THUMPD2: variants seen among roughly 807,000 people sequenced by gnomAD.
The protein encoded by THUMPD2 is U6 snRNA (guanine-N(2))-methyltransferase THUMPD2.
THUMPD2 carries 56 observed loss-of-function variants against 49.4 expected under a neutral mutation model. The observed-to-expected ratio is 1.13, with a 90% CI of 0.91 to 1.41. The LOEUF is 1.41. THUMPD2 is among the 40% of genes most tolerant of loss of function. THUMPD2 has a pLI of 0.00. For missense variants in THUMPD2, 709 were observed against 594.5 expected (o/e 1.19, Z -2.00); for synonymous variants, 237 against 205.2 (o/e 1.15, Z -1.32).
rs989880160 is a variant in THUMPD2, at chr2:39,753,183, G to A, written c.1078+2112C>T. 3.3e-5 allele frequency among the ~76,000 whole-genome samples: 5 copies of A among 151,968 alleles called. No homozygotes were observed. The East Asian group carries it at 7.7e-4, about 23-fold the overall frequency. ...CTATGCTCTCCTCATTAGCCAAACT[G>A]CTCAAGAAAATGCTCTAAACTAGTT... is the stretch of plus-strand genomic sequence containing the variant. On this transcript the variant is annotated intron_variant, in intron 8 of 9. Coordinates refer to ENST00000505747, the MANE Select transcript of THUMPD2 (RefSeq NM_025264.5).
chr2:39,778,343 C>A (rs568428185), intron 1 of THUMPD2, among the ~76,000 whole-genome samples: 6 of 152,238 alleles, frequency 3.9e-5, no homozygotes, highest in African/African-American at 1.4e-4. Context: ...TAATTCTTCA[C>A]GACTCCAACC....
intron 9 of THUMPD2, among the ~76,000 whole-genome samples, chr2:39,738,375 C>A (rs944436965): frequency 2.6e-5 from 4 of 151,888 alleles, no homozygotes; most frequent in African/African-American, 9.7e-5. Flanking sequence ...CCAGCCTGGG[C>A]AACATGGCAA....
At chr2:39,762,692 C>T (rs758747295) in intron 5 of THUMPD2, among the ~76,000 whole-genome samples, 2 of 150,842 alleles carry the variant, frequency 1.3e-5, no homozygotes, top group African/African-American at 2.4e-5. Context: ...AATTATCTTG[C>T]TATAAAACAG....
chr2:39,761,381 C>T lies in THUMPD2; in HGVS notation c.841G>A (p.Gly281Arg). ...GCCCACGCTATTGTAGATCGCAGTC[C>T]AGCTGTCTTGATGTAAGCTCTGCTG... The part of the protein sequence containing the change: ...LASRAYIKTA[G>R]LRSTIAWAMA... The change falls in exon 6 of 10, where the codon GGA (glycine) becomes AGA (arginine). Residue 281 changes from glycine to arginine, a missense_variant. Transcript: ENST00000505747. The T allele has an allele frequency of 1.2e-6, 2 of 1,613,692 alleles. No individual in the cohort carries two copies. Among genetic ancestry groups the T allele is most frequent in the Non-Finnish European group, 8.5e-7 (1 of 1,179,748 alleles).
chr2:39,772,380 A>C (rs1678453603), intron 1 of THUMPD2, among the ~76,000 whole-genome samples: 1 of 152,204 alleles, frequency 6.6e-6, no homozygotes, highest in Admixed American at 6.5e-5. Context: ...GACAGCACTG[A>C]ATTAGCTGGC....
intron 9 of THUMPD2, among the ~76,000 whole-genome samples, chr2:39,738,023 G>C (rs1673360191): frequency 6.6e-6 from 1 of 152,172 alleles, no homozygotes; most frequent in African/African-American, 2.4e-5. Flanking sequence ...TGGAGTAATG[G>C]AAAAGACCAG....
chr2:39,744,466 G>T lies in THUMPD2; in HGVS notation c.1091C>A (p.Pro364His), dbSNP rs761403018. Residue 364 changes from proline to histidine, a missense_variant, in exon 9 of 10, where the codon CCT becomes CAT. Physicochemically the swap from Pro to His is moderately conservative, Grantham distance 77. Coordinates refer to ENST00000505747, the MANE Select transcript of THUMPD2 (RefSeq NM_025264.5). ...AATAATAATATCAACACTTTCTGAAGGCAATGGCAATTCTGAAATATAGAA... is the reference window on the plus strand; with the variant it reads ...AATAATAATATCAACACTTTCTGAATGCAATGGCAATTCTGAAATATAGAA... ...LKISVIELPLPSESVDIIISD... is the reference protein window; with the variant it reads ...LKISVIELPLHSESVDIIISD... 6.4e-7 allele frequency: 1 copy of T among 1,566,866 alleles called. No individual in the cohort carries two copies.
intron 8 of THUMPD2, among the ~76,000 whole-genome samples, chr2:39,746,466 C>T (rs114760583): frequency 3.6e-3 from 547 of 152,166 alleles, no homozygotes; most frequent in Non-Finnish European, 6.1e-3. Context: ...AGCACCTGAC[C>T]GATACGATTC....
intron 2 of THUMPD2, among the ~76,000 whole-genome samples, chr2:39,771,162 T>C (rs1280196285): frequency 6.6e-6 from 1 of 152,116 alleles, no homozygotes; most frequent in African/African-American, 2.4e-5. Flanking sequence ...TGATTTACTA[T>C]TAAAAGAATG....
intron 1 of THUMPD2, 137 bp downstream of exon 1, chr2:39,778,977 C>A (rs1679494016): frequency 3.4e-6 from 4 of 1,179,088 alleles, no homozygotes. Context: ...GCCTGCCAGT[C>A]AACCTCGGGG....
intron 9 of THUMPD2, among the ~76,000 whole-genome samples, chr2:39,737,279 C>CTATTT (rs60117530): frequency 6.6e-6 from 1 of 151,364 alleles, no homozygotes; most frequent in African/African-American, 2.4e-5. Context: ...TATTTTTACT[C>CTATTT]AAAAGGCAAG....
chr2:39,739,569 A>G (rs1452238589), intron 9 of THUMPD2, among the ~76,000 whole-genome samples: 1 of 152,210 alleles, frequency 6.6e-6, no homozygotes, highest in Non-Finnish European at 1.5e-5. Flanking sequence ...TCTTCTCACA[A>G]TGAATGGTCA....
Position 39,771,503 on chromosome 2 carries a change from A to G in THUMPD2, c.262+2T>C, listed in dbSNP as rs780787926. On this transcript the variant is annotated splice_donor_variant, in intron 2 of 9. Transcript: ENST00000505747. LOFTEE classifies it high-confidence loss of function. ...AGCAACATGCATATGAATATGCCAT[A>G]CCTTTACTTACAGAAGAAATAATAA... is the stretch of plus-strand genomic sequence containing the variant. 6.3e-7 allele frequency: 1 copy of G among 1,596,410 alleles called. No individual in the cohort carries two copies. Among genetic ancestry groups the G allele is most frequent in the Admixed American group, 1.8e-5 (1 of 54,546 alleles).
At chr2:39,772,392 G>GA (rs1678454617) in intron 1 of THUMPD2, among the ~76,000 whole-genome samples, 2 of 152,270 alleles carry the variant, frequency 1.3e-5, no homozygotes, top group South Asian at 4.1e-4. Context: ...TTAGCTGGCA[G>GA]AAAAAATTAC....
chr2:39,768,565 C>T, intron 3 of THUMPD2, 64 bp from the exon 4 acceptor site: 1 of 1,291,922 alleles, frequency 7.7e-7, no homozygotes, highest in Non-Finnish European at 1.1e-6. Flanking sequence ...TAAATGTCAG[C>T]AAAACTAACA....
chr2:39,753,098 A>G (rs145556825), intron 8 of THUMPD2, among the ~76,000 whole-genome samples: 56 of 152,152 alleles, frequency 3.7e-4, no homozygotes, highest in African/African-American at 1.3e-3. Flanking sequence ...TCTAACTTCT[A>G]TGTTCAAAAA....
chr2:39,742,621 TC>T (rs1235321943), intron 9 of THUMPD2, among the ~76,000 whole-genome samples: 11 of 152,212 alleles, frequency 7.2e-5, no homozygotes, highest in Non-Finnish European at 1.3e-4. Flanking sequence ...AAATCGTTGC[TC>T]ACACATTAGT....
At chr2:39,765,604 T>G (rs968912064) in intron 5 of THUMPD2, among the ~76,000 whole-genome samples, 4 of 152,174 alleles carry the variant, frequency 2.6e-5, no homozygotes, top group Admixed American at 2.6e-4. Context: ...TTGGTGATCA[T>G]CAATAATTAT....
chr2:39,761,180 T>C (rs1008550797), intron 6 of THUMPD2, 151 bp downstream of exon 6: 2 of 647,788 alleles, frequency 3.1e-6, no homozygotes, highest in Non-Finnish European at 5.1e-6. Context: ...CTGCAGCAGT[T>C]TGTAAGTACA....
Sources: allele counts gnomAD v4.1 joint callset (sites outside exome capture counted in the v4.1 genomes callset), GRCh38; gene constraint gnomAD v4.1.1; transcripts MANE v1.5; gene names NCBI Gene and HGNC (gene_info 2026-07-23, HGNC 2026-07-21).